The following SV2C variants were observed in gnomAD, a reference collection of about 807,000 sequenced individuals.
The protein encoded by SV2C is solute carrier family 22 member B3.
Under a neutral mutation model 79.7 loss-of-function variants are expected in SV2C, and 49 were observed. The observed-to-expected ratio is 0.61, with a 90% confidence interval of 0.49 to 0.78. The LOEUF (loss-of-function observed/expected upper bound fraction) is 0.78, where lower values mean the gene tolerates loss of function less well. Ranked by LOEUF, SV2C falls within the 30% of genes least tolerant of loss-of-function variation. The pLI, the probability that SV2C is intolerant of heterozygous loss-of-function variation, is 0.00. For missense variants in SV2C, 833 were observed against 912.9 expected (o/e 0.91, Z 1.13); for synonymous variants, 334 against 333.2 (o/e 1.00, Z -0.03).
At chr5:75,987,607 T>C in the SV2C span, among the ~76,000 whole-genome samples, 1 of 151,988 alleles carries the variant, frequency 6.6e-6, no homozygotes, top group African/African-American at 2.4e-5. Flanking sequence ...TGAGTAGATA[T>C]TGTTATTCAG....
At chr5:75,980,258 C>T in the SV2C span, among the ~76,000 whole-genome samples, 1 of 152,096 alleles carries the variant, frequency 6.6e-6, no homozygotes, top group Non-Finnish European at 1.5e-5. Context: ...CAGGATCATA[C>T]AGATTCACAG....
the SV2C span, among the ~76,000 whole-genome samples, chr5:76,016,940 G>A: frequency 6.6e-6 from 1 of 152,194 alleles, no homozygotes; most frequent in Non-Finnish European, 1.5e-5. Context: ...AATGCCACCT[G>A]CGCTGTGCGT....
chr5:76,074,470 G>A, the SV2C span, among the ~76,000 whole-genome samples: 1 of 152,178 alleles, frequency 6.6e-6, no homozygotes, highest in African/African-American at 2.4e-5. Flanking sequence ...ACAACATAGA[G>A]AGATTCAGTT....
chr5:75,894,582 C>T, the SV2C span, among the ~76,000 whole-genome samples: 2 of 152,042 alleles, frequency 1.3e-5, no homozygotes, highest in African/African-American at 4.8e-5. Context: ...TGGAAGGCCC[C>T]ACTCACAATG....
At chr5:76,034,167 C>T in the SV2C span, among the ~76,000 whole-genome samples, 2 of 151,468 alleles carry the variant, frequency 1.3e-5, no homozygotes, top group African/African-American at 4.9e-5. Flanking sequence ...ATGGGGTTTT[C>T]TAGATATACA....
chr5:76,232,289 G>GT (rs1324350175), intron 4 of SV2C, among the ~76,000 whole-genome samples: 1 of 149,586 alleles, frequency 6.7e-6, no homozygotes, highest in African/African-American at 2.5e-5. Context: ...GGGGTTGTTT[G>GT]TTTTTTTCTT....
the SV2C span, among the ~76,000 whole-genome samples, chr5:75,991,217 C>T: frequency 1.2e-3 from 187 of 151,776 alleles, 1 homozygote; most frequent in Admixed American, 4.5e-3. Context: ...AATATAACAC[C>T]TTTCTGTATT....
chr5:76,095,344 A>G (rs916840655), intron 1 of SV2C, among the ~76,000 whole-genome samples: 3 of 152,114 alleles, frequency 2.0e-5, no homozygotes, highest in African/African-American at 7.2e-5. Context: ...CCTCTTATTA[A>G]TTAACAAATC....
chr5:76,054,936 C>G, the SV2C span, among the ~76,000 whole-genome samples: 1 of 152,138 alleles, frequency 6.6e-6, no homozygotes, highest in African/African-American at 2.4e-5. Context: ...ACTTTTCACC[C>G]ATTCTGTAGG....
chr5:76,211,490 G>GCA, intron 4 of SV2C, among the ~76,000 whole-genome samples: 1 of 151,168 alleles, frequency 6.6e-6, no homozygotes, highest in Non-Finnish European at 1.5e-5. Context: ...GTGTGTGTGT[G>GCA]TGTGTGTGTA....
At chr5:75,902,800 A>T in the SV2C span, among the ~76,000 whole-genome samples, 1 of 152,216 alleles carries the variant, frequency 6.6e-6, no homozygotes. Context: ...TAACAAAATG[A>T]TTACAAAGTT....
intron 1 of SV2C, among the ~76,000 whole-genome samples, chr5:76,092,255 T>C (rs1747401541): frequency 6.6e-6 from 1 of 152,172 alleles, no homozygotes. Context: ...ACACATGACT[T>C]TTGTAATTAA....
intron 6 of SV2C, 186 bp downstream of exon 6, chr5:76,286,056 T>A: frequency 1.9e-6 from 1 of 535,350 alleles, no homozygotes; most frequent in Non-Finnish European, 3.2e-6. Context: ...TGTGTGTCAA[T>A]AAAACTTTAT....
At chr5:76,162,745 A>G (rs1220213614) in intron 2 of SV2C, among the ~76,000 whole-genome samples, 4 of 152,192 alleles carry the variant, frequency 2.6e-5, no homozygotes, top group Admixed American at 6.5e-5. Context: ...GGAATGTTTC[A>G]TGGGACATGA....
chr5:76,176,359 A>C (rs1472785242), intron 2 of SV2C, among the ~76,000 whole-genome samples: 1 of 152,194 alleles, frequency 6.6e-6, no homozygotes, highest in African/African-American at 2.4e-5. Flanking sequence ...TTAATCAGCC[A>C]TATTGTAGGT....
rs566938871 is a variant in SV2C, at chr5:76,096,954, G to T, written c.-102+13442G>T. On this transcript the variant is annotated intron_variant, in intron 1 of 12. Coordinates refer to ENST00000502798, the MANE Select transcript of SV2C (RefSeq NM_014979.4). Reference sequence around the variant, plus strand: ...CTTCTTAGCCTCCATAATTGCATGAGCCGATTCCTTATAACAAGTCTCTTT... The same window carrying T: ...CTTCTTAGCCTCCATAATTGCATGATCCGATTCCTTATAACAAGTCTCTTT... 4.6e-5 allele frequency among the ~76,000 whole-genome samples: 7 copies of T among 152,208 alleles called. No homozygotes were observed. The South Asian group carries it at 1.5e-3, about 32-fold the overall frequency.
chr5:75,954,123 A>G, the SV2C span, among the ~76,000 whole-genome samples: 1 of 151,934 alleles, frequency 6.6e-6, no homozygotes, highest in African/African-American at 2.4e-5. Context: ...TAAGATTCTC[A>G]TTGATGGTGG....
the SV2C span, among the ~76,000 whole-genome samples, chr5:76,040,495 T>G: frequency 6.6e-6 from 1 of 152,198 alleles, no homozygotes; most frequent in African/African-American, 2.4e-5. Context: ...TGTGCCAAAT[T>G]AGAATATTCA....
At chr5:76,067,791 G>T in the SV2C span, among the ~76,000 whole-genome samples, 1 of 151,728 alleles carries the variant, frequency 6.6e-6, no homozygotes, top group Non-Finnish European at 1.5e-5. Context: ...TTATTCATGT[G>T]GTTGTCACAA....
Sources: gnomAD v4.1 joint callset for allele counts (sites outside exome capture counted in the v4.1 genomes callset) on GRCh38, gnomAD v4.1.1 for gene constraint, MANE v1.5 for transcripts, NCBI Gene and HGNC (gene_info 2026-07-23, HGNC 2026-07-21) for gene names.